Variants in GRID2 observed in about 807,000 individuals in gnomAD.
GRID2 encodes glutamate receptor ionotropic, delta-2.
Under a neutral mutation model 114.8 loss-of-function variants are expected in GRID2, and 33 were observed. That is an observed-to-expected ratio of 0.29 (90% CI 0.22 to 0.38). The LOEUF (loss-of-function observed/expected upper bound fraction) is 0.38, where lower values mean the gene tolerates loss of function less well. GRID2 is among the 10% of genes least tolerant of loss of function. GRID2 has a pLI of 1.00. For synonymous variants in GRID2, 505 were observed against 449.9 expected (o/e 1.12, Z -1.55); for missense variants, 1,184 against 1,257.7 (o/e 0.94, Z 0.89).
In GRID2 at chr4:93,233,660, A is replaced by C. The variant is rs893206283; in HGVS notation, c.1126-4711A>C. On this transcript the variant is annotated intron_variant, in intron 7 of 15. Transcript: ENST00000282020. The stretch of plus-strand genomic sequence containing the variant: ...ACCCAGCCGACACTGAGGTATTTTA[A>C]ACAGGGTGGTGATAAAATCAGATTA... 2.0e-5 allele frequency among the ~76,000 whole-genome samples: 3 copies of C among 152,116 alleles called. No individual in the cohort carries two copies. In the East Asian group the frequency reaches 5.8e-4, roughly 30 times the overall value.
chr4:93,480,952 A>T (rs1016774428), intron 11 of GRID2, among the ~76,000 whole-genome samples: 1 of 151,954 alleles, frequency 6.6e-6, no homozygotes, highest in Non-Finnish European at 1.5e-5. Flanking sequence ...TTCAAATTTC[A>T]TGCATTTTTG....
At chr4:93,321,045 G>C (rs1296592898) in intron 8 of GRID2, among the ~76,000 whole-genome samples, 3 of 151,988 alleles carry the variant, frequency 2.0e-5, no homozygotes, top group Non-Finnish European at 4.4e-5. Flanking sequence ...GCCCCAAATT[G>C]GGCAAGCTGA....
intron 2 of GRID2, among the ~76,000 whole-genome samples, chr4:92,779,721 C>G (rs1391067618): frequency 6.6e-6 from 1 of 152,046 alleles, no homozygotes; most frequent in Non-Finnish European, 1.5e-5. Context: ...ATGAGTTTTC[C>G]AATAAGCGCC....
intron 2 of GRID2, among the ~76,000 whole-genome samples, chr4:92,891,247 C>T (rs1056632740): frequency 1.3e-5 from 2 of 151,920 alleles, no homozygotes; most frequent in Admixed American, 1.3e-4. Flanking sequence ...CACATATATC[C>T]CAGAACTCAA....
chr4:93,458,883 G>A (rs1411531777), intron 11 of GRID2, among the ~76,000 whole-genome samples: 1 of 152,020 alleles, frequency 6.6e-6, no homozygotes, highest in Non-Finnish European at 1.5e-5. Flanking sequence ...GTAAAGAAGA[G>A]TAAGGGTAGA....
chr4:93,736,622 T>G (rs901490844), intron 14 of GRID2, among the ~76,000 whole-genome samples: 15 of 152,030 alleles, frequency 9.9e-5, no homozygotes, highest in African/African-American at 3.6e-4. Context: ...TTTCAGATAG[T>G]CTATTGGGGC....
intron 2 of GRID2, among the ~76,000 whole-genome samples, chr4:92,889,376 C>T (rs1746587048): frequency 6.6e-6 from 1 of 152,120 alleles, no homozygotes; most frequent in Non-Finnish European, 1.5e-5. Context: ...CCCCATCCAT[C>T]GTCTCAGCCC....
chr4:93,029,833 A>G (rs1724226625), intron 2 of GRID2, among the ~76,000 whole-genome samples: 2 of 152,184 alleles, frequency 1.3e-5, no homozygotes, highest in Admixed American at 1.3e-4. Flanking sequence ...CAGTCTCTCA[A>G]AAGAAAATGT....
chr4:93,368,397 ATAAC>A (rs1762546340), intron 8 of GRID2, among the ~76,000 whole-genome samples: 1 of 97,480 alleles, frequency 1.0e-5, no homozygotes, highest in Non-Finnish European at 1.9e-5. Flanking sequence ...AAGACTCTAA[ATAAC>A]TAAAGTTTTT....
chr4:93,459,966 G>A (rs1031190640), intron 11 of GRID2, among the ~76,000 whole-genome samples: 2 of 152,042 alleles, frequency 1.3e-5, no homozygotes, highest in African/African-American at 4.8e-5. Context: ...AATATTTCTA[G>A]AAGTGGAAAT....
intron 1 of GRID2, among the ~76,000 whole-genome samples, chr4:92,533,738 C>A (rs571496837): frequency 6.6e-6 from 1 of 151,906 alleles, no homozygotes; most frequent in African/African-American, 2.4e-5. Context: ...TAGGGAAATC[C>A]GAATAAACTA....
At chr4:93,339,903 C>G (rs528636652) in intron 8 of GRID2, among the ~76,000 whole-genome samples, 46 of 152,212 alleles carry the variant, frequency 3.0e-4, no homozygotes, top group Non-Finnish European at 5.0e-4. Flanking sequence ...ACACTCAGAT[C>G]TTGTGAGATC....
At chr4:93,508,608 G>A (rs767751974) in intron 12 of GRID2, among the ~76,000 whole-genome samples, 5 of 152,144 alleles carry the variant, frequency 3.3e-5, no homozygotes, top group Non-Finnish European at 5.9e-5. Context: ...TCAGGGGAAT[G>A]CTTACTTCCC....
chr4:92,305,894 C>T (rs1452904665), intron 1 of GRID2, among the ~76,000 whole-genome samples: 1 of 152,132 alleles, frequency 6.6e-6, no homozygotes, highest in Non-Finnish European at 1.5e-5. Context: ...CAGAGAGGTC[C>T]CTTTGGGGGA....
At chr4:92,459,476 A>G (rs916636828) in intron 1 of GRID2, among the ~76,000 whole-genome samples, 3 of 152,158 alleles carry the variant, frequency 2.0e-5, no homozygotes, top group African/African-American at 7.2e-5. Context: ...GAAAAGTACT[A>G]CTGCATGAGT....
chr4:93,015,527 A>G (rs981893198), intron 2 of GRID2, among the ~76,000 whole-genome samples: 1 of 152,196 alleles, frequency 6.6e-6, no homozygotes, highest in African/African-American at 2.4e-5. Flanking sequence ...ATGGTTTTAT[A>G]CATGCTAATT....
intron 2 of GRID2, among the ~76,000 whole-genome samples, chr4:92,715,814 A>C (rs1735516866): frequency 2.0e-5 from 3 of 152,194 alleles, no homozygotes; most frequent in Non-Finnish European, 4.4e-5. Flanking sequence ...TGAGATTTGT[A>C]TGGGGACACA....
intron 9 of GRID2, among the ~76,000 whole-genome samples, chr4:93,405,837 T>C (rs1766355976): frequency 6.6e-6 from 1 of 152,066 alleles, no homozygotes; most frequent in Non-Finnish European, 1.5e-5. Flanking sequence ...CACATAAAAT[T>C]CTTCAGAAAT....
At chr4:92,951,274 C>G (rs1381279412) in intron 2 of GRID2, among the ~76,000 whole-genome samples, 1 of 151,866 alleles carries the variant, frequency 6.6e-6, no homozygotes, top group East Asian at 1.9e-4. Flanking sequence ...ATAAAAGGAA[C>G]TTAACAATAG....
Sources: gnomAD v4.1 joint callset for allele counts (sites outside exome capture counted in the v4.1 genomes callset) on GRCh38, gnomAD v4.1.1 for gene constraint, MANE v1.5 for transcripts, NCBI Gene and HGNC (gene_info 2026-07-23, HGNC 2026-07-21) for gene names.